Variants in MICAL2 observed in about 807,000 individuals in gnomAD.
MICAL2 encodes microtubule associated monooxygenase, calponin and LIM domain containing 2, also known as [F-actin]-monooxygenase MICAL2.
In MICAL2, 77 loss-of-function variants were observed where a neutral mutation model predicts 127.3. The ratio of observed to expected loss-of-function variants is 0.60; its 90% CI spans 0.50 to 0.73. The LOEUF (loss-of-function observed/expected upper bound fraction) is 0.73. Ranked by LOEUF, MICAL2 falls within the 30% of genes least tolerant of loss-of-function variation. The pLI is 0.00. For missense variants in MICAL2, 1,351 were observed against 1,434.4 expected (o/e 0.94, Z 0.94); for synonymous variants, 570 against 551.1 (o/e 1.03, Z -0.48).
chr11:12,264,077 G>A (rs1252218423), downstream of MICAL2, among the ~76,000 whole-genome samples: 12 of 152,162 alleles, frequency 7.9e-5, no homozygotes, highest in South Asian at 8.3e-4. Flanking sequence ...TCCCCTCAGC[G>A]ATTAGAAGCA....
intron 3 of MICAL2, among the ~76,000 whole-genome samples, chr11:12,174,649 C>T (rs1032347763): frequency 1.3e-5 from 2 of 151,494 alleles, no homozygotes; most frequent in Non-Finnish European, 2.9e-5. Flanking sequence ...TGAACACTGA[C>T]GTGCAAGTAT....
At chr11:12,319,824 G>A in intron 30 of MICAL2, 2 of 1,603,908 alleles carry the variant, frequency 1.2e-6, no homozygotes, top group Non-Finnish European at 1.7e-6. Context: ...AACAACACTT[G>A]ACCAGCCAAA....
intron 17 of MICAL2, 70 bp downstream of exon 17, chr11:12,239,655 G>A: frequency 6.4e-7 from 1 of 1,555,956 alleles, no homozygotes; most frequent in Non-Finnish European, 8.7e-7. Flanking sequence ...TCTGGCTGCT[G>A]ATAGACTTCA....
chr11:12,259,980 C>A, intron 26 of MICAL2, 83 bp downstream of exon 26: 1 of 1,566,764 alleles, frequency 6.4e-7, no homozygotes, highest in Non-Finnish European at 8.6e-7. Context: ...TGCAGGGACT[C>A]CTGCAAGCTG....
chr11:12,262,771 C>A (rs1038768956), intron 27 of MICAL2: 7 of 496,710 alleles, frequency 1.4e-5, no homozygotes, highest in African/African-American at 1.4e-4. Context: ...CAAGTGCATG[C>A]CCCGCCTCTC....
At chr11:12,197,204 A>T (rs1014782121) in intron 3 of MICAL2, among the ~76,000 whole-genome samples, 7 of 152,222 alleles carry the variant, frequency 4.6e-5, no homozygotes, top group African/African-American at 1.7e-4. Flanking sequence ...ACCTGGAAGG[A>T]TTAATATAGG....
At chr11:12,325,308 C>T (rs1271176108) in intron 31 of MICAL2, among the ~76,000 whole-genome samples, 1 of 152,108 alleles carries the variant, frequency 6.6e-6, no homozygotes, top group East Asian at 1.9e-4. Context: ...CGGGTTTTCA[C>T]CATGTTGGCT....
intron 1 of MICAL2, among the ~76,000 whole-genome samples, chr11:12,123,070 C>A (rs926375663): frequency 1.3e-5 from 2 of 152,056 alleles, no homozygotes; most frequent in Non-Finnish European, 2.9e-5. Flanking sequence ...ATCTCTAACA[C>A]CATCAACTGA....
intron 2 of MICAL2, among the ~76,000 whole-genome samples, chr11:12,151,248 G>C (rs1490230555): frequency 1.3e-5 from 2 of 152,184 alleles, no homozygotes; most frequent in African/African-American, 2.4e-5. Context: ...CCTACGTAGA[G>C]GGGTGGGCAG....
intron 15 of MICAL2, among the ~76,000 whole-genome samples, chr11:12,228,906 C>T (rs1857836529): frequency 1.3e-5 from 2 of 152,280 alleles, no homozygotes; most frequent in African/African-American, 4.8e-5. Context: ...AGTGAAGCCA[C>T]TGGTGGGAGC....
chr11:12,112,762 T>C (rs748623416), intron 1 of MICAL2, among the ~76,000 whole-genome samples: 24 of 152,118 alleles, frequency 1.6e-4, no homozygotes, highest in Non-Finnish European at 2.5e-4. Context: ...GTCATGAAAA[T>C]CATGAAAACT....
chr11:12,179,242 C>G (rs2133934380), intron 3 of MICAL2, among the ~76,000 whole-genome samples: 1 of 152,274 alleles, frequency 6.6e-6, no homozygotes, highest in African/African-American at 2.4e-5. Context: ...CAGGCTCCTC[C>G]CCTAGTTCTC....
downstream of MICAL2, among the ~76,000 whole-genome samples, chr11:12,265,843 C>T (rs925144602): frequency 3.9e-5 from 6 of 152,104 alleles, no homozygotes; most frequent in Admixed American, 2.0e-4. Flanking sequence ...GGGCCAGGTG[C>T]GGTAGCTCAC....
chr11:12,305,580 G>T (rs1296258969), intron 29 of MICAL2, among the ~76,000 whole-genome samples: 1 of 152,122 alleles, frequency 6.6e-6, no homozygotes, highest in Non-Finnish European at 1.5e-5. Context: ...ACTAATGATA[G>T]AATCATTATA....
intron 1 of MICAL2, among the ~76,000 whole-genome samples, chr11:12,280,180 CA>C (rs1292568947): frequency 6.6e-6 from 1 of 152,164 alleles, no homozygotes; most frequent in Non-Finnish European, 1.5e-5. Context: ...TAGAATTTTC[CA>C]TTCCCTCATC....
At chr11:12,217,969 T>A (rs1856392021) in intron 8 of MICAL2, among the ~76,000 whole-genome samples, 2 of 152,190 alleles carry the variant, frequency 1.3e-5, no homozygotes, top group Admixed American at 1.3e-4. Context: ...AAATTTACAT[T>A]GTTCTCTTGC....
chr11:12,115,401 C>T (rs1433390833), intron 1 of MICAL2, among the ~76,000 whole-genome samples: 1 of 152,196 alleles, frequency 6.6e-6, no homozygotes, highest in South Asian at 2.1e-4. Context: ...CCCTTCCCTG[C>T]GAACAGCCCT....
downstream of MICAL2, among the ~76,000 whole-genome samples, chr11:12,292,698 A>G (rs942894691): frequency 6.6e-6 from 1 of 152,204 alleles, no homozygotes; most frequent in African/African-American, 2.4e-5. Flanking sequence ...TGGAAGCAAC[A>G]TCTCCCTTGA....
intron 30 of MICAL2, among the ~76,000 whole-genome samples, chr11:12,320,838 G>A (rs73422764): frequency 0.019 from 2,833 of 152,062 alleles, 98 homozygotes; most frequent in African/African-American, 0.063. Flanking sequence ...GGAGGGAGAA[G>A]AGAGAGAGAC....
Sources: allele counts gnomAD v4.1 joint callset (sites outside exome capture counted in the v4.1 genomes callset), GRCh38; gene constraint gnomAD v4.1.1; transcripts MANE v1.5; gene names NCBI Gene and HGNC (gene_info 2026-07-23, HGNC 2026-07-21).